Variants in TENM4 observed in about 807,000 individuals in gnomAD.
The protein encoded by TENM4 is teneurin-4.
Under a neutral mutation model 243.3 loss-of-function variants are expected in TENM4, and 82 were observed. The observed-to-expected ratio is 0.34, with a 90% CI of 0.28 to 0.40. The LOEUF (loss-of-function observed/expected upper bound fraction) is 0.40, where lower values mean the gene tolerates loss of function less well. Ranked by LOEUF, TENM4 falls within the 10% of genes least tolerant of loss-of-function variation. The pLI is 1.00. For synonymous variants in TENM4, 1,412 were observed against 1,456.3 expected (o/e 0.97, Z 0.69); for missense variants, 3,138 against 3,673.3 (o/e 0.85, Z 3.77).
At chr11:79,091,933 G>A (rs537328591) in intron 4 of TENM4, among the ~76,000 whole-genome samples, 10 of 152,034 alleles carry the variant, frequency 6.6e-5, no homozygotes, top group Non-Finnish European at 1.5e-4. Context: ...TGGGAGTCAC[G>A]CTTAAATCCT....
At chr11:79,408,767 G>A (rs1227165735) in intron 1 of TENM4, among the ~76,000 whole-genome samples, 1 of 152,130 alleles carries the variant, frequency 6.6e-6, no homozygotes, top group Non-Finnish European at 1.5e-5. Flanking sequence ...GATGAAAAAG[G>A]AAGGCATATG....
chr11:78,808,260 AG>A (rs1264539243), intron 14 of TENM4, among the ~76,000 whole-genome samples: 1 of 152,234 alleles, frequency 6.6e-6, no homozygotes, highest in Non-Finnish European at 1.5e-5. Context: ...TTTGCTATTT[AG>A]GGTCTTAAAG....
intron 1 of TENM4, among the ~76,000 whole-genome samples, chr11:79,417,891 G>T (rs1269695478): frequency 6.6e-6 from 1 of 152,140 alleles, no homozygotes; most frequent in South Asian, 2.1e-4. Context: ...TCAGAGCCCA[G>T]TAATAAGAAG....
At chr11:78,948,999 C>A (rs141007673) in intron 6 of TENM4, among the ~76,000 whole-genome samples, 10 of 152,282 alleles carry the variant, frequency 6.6e-5, no homozygotes, top group African/African-American at 2.4e-4. Flanking sequence ...TAAGTTTGGT[C>A]ACTTGGTTAA....
chr11:79,346,869 A>G (rs1395401756), intron 1 of TENM4, among the ~76,000 whole-genome samples: 2 of 152,228 alleles, frequency 1.3e-5, no homozygotes, highest in Admixed American at 6.5e-5. Flanking sequence ...ACCATACAGT[A>G]TTAGTTGAAC....
At chr11:79,334,944 C>T (rs576087174) in intron 1 of TENM4, among the ~76,000 whole-genome samples, 6 of 152,132 alleles carry the variant, frequency 3.9e-5, no homozygotes, top group Non-Finnish European at 7.4e-5. Context: ...TGCATCATAC[C>T]GTGCCCTCCA....
At chr11:78,832,478 A>G (rs1858006676) in intron 12 of TENM4, among the ~76,000 whole-genome samples, 1 of 152,266 alleles carries the variant, frequency 6.6e-6, no homozygotes. Context: ...ATGTTTGTAA[A>G]TGGATTTGCT....
intron 1 of TENM4, among the ~76,000 whole-genome samples, chr11:79,432,314 T>C (rs1859186641): frequency 6.6e-6 from 1 of 152,218 alleles, no homozygotes; most frequent in South Asian, 2.1e-4. Context: ...TCATGTGGGA[T>C]GATGTGAGGG....
chr11:78,726,309 T>G, intron 22 of TENM4, 87 bp from the exon 23 acceptor site: 1 of 1,443,706 alleles, frequency 6.9e-7, no homozygotes, highest in Non-Finnish European at 9.2e-7. Context: ...CCCTGGCTTA[T>G]CTTTTGTAGA....
At chr11:79,414,656 T>C (rs1858774626) in intron 1 of TENM4, among the ~76,000 whole-genome samples, 1 of 152,126 alleles carries the variant, frequency 6.6e-6, no homozygotes. Flanking sequence ...CTATATGTTA[T>C]GGCAGAAGCA....
At position 79,387,249 on chromosome 11, in the gene TENM4, T is replaced by A. The variant is rs558826059; in HGVS notation, c.-321+53260A>T. ...GGATAGCAGTTAACTTTGCAAGAAGTAAGGGGAAAGATAGAGACTGGGAGG... is the reference window on the plus strand; with the variant it reads ...GGATAGCAGTTAACTTTGCAAGAAGAAAGGGGAAAGATAGAGACTGGGAGG... On this transcript the variant is annotated intron_variant, in intron 1 of 33. Transcript: ENST00000278550. Among the ~76,000 whole-genome samples the A allele has an allele frequency of 1.6e-4, 24 of 152,264 alleles. No individual in the cohort carries two copies. The South Asian group carries it at 5.0e-3, about 32-fold the overall frequency.
At chr11:79,259,394 GA>G (rs1325113861) in intron 2 of TENM4, among the ~76,000 whole-genome samples, 3 of 151,950 alleles carry the variant, frequency 2.0e-5, no homozygotes, top group Non-Finnish European at 4.4e-5. Context: ...ATACATCAAT[GA>G]AAAAAATATG....
chr11:79,220,774 T>C (rs150300681), intron 2 of TENM4, among the ~76,000 whole-genome samples: 1 of 152,348 alleles, frequency 6.6e-6, no homozygotes, highest in East Asian at 1.9e-4. Context: ...GTGACCACTA[T>C]GTCTTCAATT....
intron 3 of TENM4, among the ~76,000 whole-genome samples, chr11:79,196,952 G>A (rs1035670145): frequency 3.3e-5 from 5 of 152,210 alleles, no homozygotes; most frequent in Admixed American, 6.5e-5. Context: ...TTATGGATGC[G>A]TGTTCAGCAG....
intron 3 of TENM4, among the ~76,000 whole-genome samples, chr11:79,211,959 C>T (rs941710691): frequency 1.3e-5 from 2 of 152,116 alleles, no homozygotes; most frequent in Admixed American, 6.6e-5. Flanking sequence ...CAATTTCTGC[C>T]CATGACTGGG....
At chr11:79,148,099 T>G (rs911740025) in intron 4 of TENM4, among the ~76,000 whole-genome samples, 1 of 152,158 alleles carries the variant, frequency 6.6e-6, no homozygotes, top group African/African-American at 2.4e-5. Flanking sequence ...CCTGCTTTGA[T>G]TCTCATCCAT....
At chr11:78,722,075 A>T (rs1050706528) in intron 24 of TENM4, among the ~76,000 whole-genome samples, 3 of 152,072 alleles carry the variant, frequency 2.0e-5, no homozygotes, top group Admixed American at 2.0e-4. Context: ...AGTTTTCTCG[A>T]TATTGGTCAG....
chr11:78,733,106 CA>C (rs1855705034), intron 20 of TENM4, among the ~76,000 whole-genome samples: 2 of 152,206 alleles, frequency 1.3e-5, no homozygotes, highest in African/African-American at 4.8e-5. Flanking sequence ...GACTCCACAG[CA>C]ATCTTAGCTC....
chr11:79,384,500 G>C (rs1288859122), intron 1 of TENM4, among the ~76,000 whole-genome samples: 1 of 152,094 alleles, frequency 6.6e-6, no homozygotes, highest in East Asian at 1.9e-4. Flanking sequence ...GATGCGGGGG[G>C]GTTGAATTTC....
Sources: allele counts gnomAD v4.1 joint callset (sites outside exome capture counted in the v4.1 genomes callset), GRCh38; gene constraint gnomAD v4.1.1; transcripts MANE v1.5; gene names NCBI Gene and HGNC (gene_info 2026-07-23, HGNC 2026-07-21).